USP45: variants seen among roughly 807,000 people sequenced by gnomAD.
USP45 encodes the protein ubiquitin carboxyl-terminal hydrolase 45.
Under a neutral mutation model 95.8 loss-of-function variants are expected in USP45, and 89 were observed. That is an observed-to-expected ratio of 0.93 (90% CI 0.78 to 1.11). The LOEUF (loss-of-function observed/expected upper bound fraction) is 1.11. Among genes scored for constraint, USP45 ranks in the 50% least tolerant of loss-of-function variants. The pLI, the probability that USP45 is intolerant of heterozygous loss-of-function variation, is 0.00. For missense variants in USP45, 898 were observed against 942.5 expected (o/e 0.95, Z 0.62); for synonymous variants, 281 against 316.2 (o/e 0.89, Z 1.18).
chr6:99,499,404 A>G (rs1202789964), intron 5 of USP45, among the ~76,000 whole-genome samples: 1 of 152,202 alleles, frequency 6.6e-6, no homozygotes, highest in African/African-American at 2.4e-5. Flanking sequence ...AAAAACTTTC[A>G]TATTTGATTT....
intron 1 of USP45, among the ~76,000 whole-genome samples, chr6:99,514,583 G>A (rs1320677092): frequency 6.6e-6 from 1 of 152,108 alleles, no homozygotes; most frequent in East Asian, 1.9e-4. Context: ...CTTAACACTT[G>A]TCTTTTCTCT....
intron 13 of USP45, among the ~76,000 whole-genome samples, chr6:99,458,197 T>C (rs1161265088): frequency 6.6e-6 from 1 of 152,154 alleles, no homozygotes; most frequent in Admixed American, 6.5e-5. Flanking sequence ...TTTTTTGCAT[T>C]TTTAGTAGAG....
At chr6:99,458,264 C>T (rs1157968348) in intron 13 of USP45, among the ~76,000 whole-genome samples, 1 of 152,206 alleles carries the variant, frequency 6.6e-6, no homozygotes, top group Non-Finnish European at 1.5e-5. Flanking sequence ...TGGGATCTGC[C>T]TGCCTCGGCC....
intron 2 of USP45, 70 bp from the exon 3 acceptor site, chr6:99,508,852 C>T: frequency 7.3e-7 from 1 of 1,376,326 alleles, no homozygotes; most frequent in Non-Finnish European, 9.7e-7. Flanking sequence ...CTGAGCAAAC[C>T]TCAAAAGTAT....
chr6:99,487,848 A>G (rs1279052985), intron 7 of USP45, among the ~76,000 whole-genome samples: 2 of 152,078 alleles, frequency 1.3e-5, no homozygotes, highest in Non-Finnish European at 2.9e-5. Context: ...ATCTTTCTTT[A>G]AAGAACAAAA....
intron 13 of USP45, among the ~76,000 whole-genome samples, chr6:99,456,651 T>C (rs1239784291): frequency 1.3e-5 from 2 of 152,176 alleles, no homozygotes; most frequent in Non-Finnish European, 2.9e-5. Context: ...ATGCCTGTCT[T>C]TACTTTAATC....
At chr6:99,437,625 G>C (rs1022922280) in intron 16 of USP45, among the ~76,000 whole-genome samples, 6 of 152,110 alleles carry the variant, frequency 3.9e-5, no homozygotes, top group African/African-American at 1.4e-4. Flanking sequence ...GAATGCAAAG[G>C]GTACAATCCC....
chr6:99,499,458 C>T (rs1796958904), intron 5 of USP45, among the ~76,000 whole-genome samples: 1 of 152,122 alleles, frequency 6.6e-6, no homozygotes, highest in African/African-American at 2.4e-5. Context: ...ATACAAGGCA[C>T]AATATGGCAA....
rs777487458 is a variant in USP45 at position 99,445,868 on chromosome 6, C to T, written c.1904G>A (p.Gly635Glu). 6.2e-7 allele frequency: 1 copy of T among 1,609,968 alleles called. No individual in the cohort carries two copies. The highest frequency in any genetic ancestry group is 8.5e-7 in the Non-Finnish European group (1 of 1,178,694). ...ATTCTCACATAGAAGCTTATTATTC[C>T]CCATTAGTAATTCCATAGATGTAAA... ...YQFTSMELLM[G>E]NNKLLCENCT... The change falls in exon 14 of 18, where the codon GGG becomes GAG. Residue 635 changes from glycine (G) to glutamate (E), a missense_variant. By Grantham distance (98) the Gly-to-Glu change is moderately conservative. Coordinates refer to ENST00000500704, the MANE Select transcript of USP45 (RefSeq NM_001346022.3).
intron 9 of USP45, among the ~76,000 whole-genome samples, chr6:99,472,191 C>T (rs1789571429): frequency 6.6e-6 from 1 of 150,460 alleles, no homozygotes; most frequent in African/African-American, 2.4e-5. Flanking sequence ...AATTTTAATC[C>T]ATTCACATGA....
intron 3 of USP45, 69 bp downstream of exon 3, chr6:99,508,541 T>C (rs1268932366): frequency 1.0e-5 from 15 of 1,461,442 alleles, no homozygotes; most frequent in Admixed American, 2.1e-5. Flanking sequence ...TGACCAACAG[T>C]CCAACTCACA....
intron 16 of USP45, 37 bp from the exon 17 acceptor site, chr6:99,437,436 T>C (rs755981572): frequency 1.3e-6 from 2 of 1,552,828 alleles, no homozygotes; most frequent in East Asian, 2.3e-5. Flanking sequence ...TTAGTAATAT[T>C]TGTTAAATAC....
intron 17 of USP45, 141 bp from the exon 18 acceptor site, chr6:99,435,987 C>T: frequency 1.2e-6 from 1 of 817,202 alleles, no homozygotes; most frequent in Non-Finnish European, 1.8e-6. Context: ...TTGGGTTAAG[C>T]ATTTTCCAAA....
chr6:99,448,733 C>T lies in USP45; in HGVS notation c.1309-2270G>A, dbSNP rs960536570. Among the ~76,000 whole-genome samples the T allele has an allele frequency of 9.9e-5, 15 of 152,192 alleles. No individual in the cohort carries two copies. In the South Asian group the frequency reaches 3.1e-3, roughly 32 times the overall value. ...CCAAAACACATAATTGTCAGATTCA[C>T]CAAAGTTGAAATGAAGGAAAAAATG... is the stretch of plus-strand genomic sequence containing the variant. On this transcript the variant is annotated intron_variant, in intron 13 of 17. Coordinates refer to ENST00000500704, the MANE Select transcript of USP45 (RefSeq NM_001346022.3).
intron 1 of USP45, among the ~76,000 whole-genome samples, chr6:99,511,762 C>A (rs911626708): frequency 6.6e-6 from 1 of 151,134 alleles, no homozygotes; most frequent in South Asian, 2.1e-4. Flanking sequence ...CAATTCCACA[C>A]CTATTAACAA....
intron 10 of USP45, among the ~76,000 whole-genome samples, chr6:99,467,017 A>G (rs1181301908): frequency 6.6e-6 from 1 of 152,194 alleles, no homozygotes; most frequent in East Asian, 1.9e-4. Flanking sequence ...AACAACCACT[A>G]TTCGTACCAC....
At chr6:99,459,706 T>C (rs551076633) in intron 13 of USP45, among the ~76,000 whole-genome samples, 1 of 152,314 alleles carries the variant, frequency 6.6e-6, no homozygotes, top group Admixed American at 6.5e-5. Context: ...CATTGTGCTT[T>C]TGATTTGCAT....
chr6:99,460,919 A>G, intron 13 of USP45: 3 of 978,010 alleles, frequency 3.1e-6, no homozygotes, highest in Non-Finnish European at 3.6e-6. Flanking sequence ...GAAATAAACA[A>G]CAGATGGGAT....
In USP45 at chr6:99,434,136, T is replaced by A. The variant is rs1283847940; in HGVS notation, c.*1580A>T. 6.6e-6 allele frequency: 1 copy of A among 152,202 alleles called. No homozygotes were observed. The highest frequency in any genetic ancestry group is 1.5e-5 in the Non-Finnish European group (1 of 68,016). 9.4% of individuals were successfully genotyped at this position (152,202 alleles called of 1,614,324 possible). Reference sequence around the variant, plus strand: ...AATCAAGAAAAACACTACTAACATTTCAACATCTTAAAAATAGAATTTATG... The same window carrying A: ...AATCAAGAAAAACACTACTAACATTACAACATCTTAAAAATAGAATTTATG... On this transcript the variant is annotated 3_prime_UTR_variant, in exon 18 of 18. Coordinates refer to ENST00000500704, the MANE Select transcript of USP45 (RefSeq NM_001346022.3).
Sources: allele counts gnomAD v4.1 joint callset (sites outside exome capture counted in the v4.1 genomes callset), GRCh38; gene constraint gnomAD v4.1.1; transcripts MANE v1.5; gene names NCBI Gene and HGNC (gene_info 2026-07-23, HGNC 2026-07-21).